Variants in C22orf31 observed in about 807,000 individuals in gnomAD.
The protein encoded by C22orf31 is chromosome 22 open reading frame 31, also known as uncharacterized protein C22orf31.
In C22orf31, 11 loss-of-function variants were observed where a neutral mutation model predicts 15.0. The observed-to-expected ratio is 0.73, with a 90% CI of 0.46 to 1.21. The LOEUF is 1.21. Among genes scored for constraint, C22orf31 ranks in the 50% most tolerant of loss-of-function variants. The pLI is 0.00. For synonymous variants in C22orf31, 132 were observed against 133.3 expected, an observed-to-expected ratio of 0.99 and a Z score of 0.07; for missense variants, 340 against 347.2, an observed-to-expected ratio of 0.98 and a Z score of 0.17.
the C22orf31 span, chr22:29,073,278 G>A: frequency 1.2e-6 from 1 of 827,310 alleles, no homozygotes; most frequent in Non-Finnish European, 1.6e-6. This position sits in a 1 kb window ranked among gnomAD's most constrained non-coding sequence, Gnocchi z 4.4. Context: ...CCCACTCGAG[G>A]GGCGACAAGG....
At chr22:29,071,257 G>A in the C22orf31 span, among the ~76,000 whole-genome samples, 1 of 152,192 alleles carries the variant, frequency 6.6e-6, no homozygotes, top group Non-Finnish European at 1.5e-5. Context: ...TTGAACTCGG[G>A]AATGACACAT....
rs779096368 is a variant in C22orf31, at chr22:29,059,033, CTT to C, written c.580_581del (p.Lys194GlufsTer50). On this transcript the variant is annotated frameshift_variant, in exon 3 of 3. Coordinates refer to ENST00000216071, the MANE Select transcript of C22orf31 (RefSeq NM_015370.2). LOFTEE classifies it low-confidence loss of function (END_TRUNC). ...GCGTGTCCTCCGACAACTGCTGTCT[CTT>C]TTGGGTTTCAGGAAGCAACACTCGG... ...KGRVLLPETQ[K>X]RQQLSEDTLT... 262 of 1,614,222 alleles carry C rather than the reference CTT, an allele frequency of 1.6e-4. 2 individuals are homozygous for C. Among genetic ancestry groups the C allele is most frequent in the South Asian group, 5.4e-4 (49 of 91,080 alleles).
Position 29,058,851 on chromosome 22 carries a change from C to A in C22orf31, c.764G>T (p.Gly255Val), listed in dbSNP as rs746350169. ...QKLWEALCSQGAISEGAQRDR... is the reference protein window; with the variant it reads ...QKLWEALCSQVAISEGAQRDR... ...CCTCTGAGCACCTTCAGAGATGGCA[C>A]CCTGACTGCAAAGAGCCTCCCAGAG... The change falls in exon 3 of 3, where the codon GGT (glycine) becomes GTT (valine). Residue 255 changes from glycine (G) to valine (V), a missense_variant. Transcript: ENST00000216071. 1.2e-6 allele frequency: 2 copies of A among 1,614,088 alleles called. No homozygotes were observed. The highest frequency in any genetic ancestry group is 1.7e-5 in the Admixed American group (1 of 60,002).
intron 2 of C22orf31, chr22:29,060,110 C>T (rs1046968755): frequency 2.2e-5 from 8 of 366,604 alleles, no homozygotes; most frequent in Non-Finnish European, 3.0e-5. Flanking sequence ...TGGCTCACTG[C>T]AGCCTCAACC....
the C22orf31 span, among the ~76,000 whole-genome samples, chr22:29,067,602 C>T: frequency 6.2e-3 from 938 of 152,152 alleles, 10 homozygotes; most frequent in African/African-American, 0.022. Context: ...AGCCACCACG[C>T]CCGGCTAATT....
the C22orf31 span, among the ~76,000 whole-genome samples, chr22:29,072,788 T>G: frequency 0.011 from 1,697 of 152,190 alleles, 27 homozygotes; most frequent in African/African-American, 0.039. Flanking sequence ...CCTCACCTGC[T>G]GATCCTACCC....
upstream of C22orf31, among the ~76,000 whole-genome samples, chr22:29,064,392 T>C (rs914029694): frequency 6.6e-6 from 1 of 152,220 alleles, no homozygotes; most frequent in Admixed American, 6.5e-5. Context: ...AGCTGTGAAA[T>C]GGGCCTAGTC....
chr22:29,066,539 C>CTTTTTTTTTTTTTTTTTT (rs134565), upstream of C22orf31, among the ~76,000 whole-genome samples: 33 of 70,226 alleles, frequency 4.7e-4, 6 homozygotes, highest in East Asian at 8.2e-4. Context: ...CTTTTCTTTT[C>CTTTTTTTTTTTTTTTTTT]TTTTTTTTTT....
chr22:29,068,023 A>G, the C22orf31 span, among the ~76,000 whole-genome samples: 1 of 151,126 alleles, frequency 6.6e-6, no homozygotes, highest in East Asian at 1.9e-4. Context: ...GTAGTGTGCC[A>G]TGATTGTGAA....
At chr22:29,067,604 C>T in the C22orf31 span, among the ~76,000 whole-genome samples, 816 of 152,020 alleles carry the variant, frequency 5.4e-3, 11 homozygotes, top group African/African-American at 0.019. Flanking sequence ...CCACCACGCC[C>T]GGCTAATTTT....
upstream of C22orf31, chr22:29,061,984 T>C: frequency 5.7e-6 from 3 of 528,854 alleles, no homozygotes; most frequent in Non-Finnish European, 1.0e-5. Context: ...GCAGGCAGCT[T>C]TGAGCCATTA....
At chr22:29,061,940 G>A (rs2037396385), upstream of C22orf31, 20 of 617,690 alleles carry the variant, frequency 3.2e-5, no homozygotes, top group South Asian at 4.3e-4. Flanking sequence ...GTCACATATG[G>A]GCAAATTGCT....
At chr22:29,064,406 C>G (rs560649600), upstream of C22orf31, among the ~76,000 whole-genome samples, 17 of 152,348 alleles carry the variant, frequency 1.1e-4, no homozygotes, top group African/African-American at 3.6e-4. Context: ...CCTAGTCATA[C>G]TGCCTACCTA....
chr22:29,061,045 T>C (rs2037385665), intron 1 of C22orf31, among the ~76,000 whole-genome samples: 3 of 152,210 alleles, frequency 2.0e-5, no homozygotes, highest in African/African-American at 2.4e-5. Flanking sequence ...TCCACAAGGT[T>C]ACAGTAATAT....
Position 29,060,701 on chromosome 22 carries a change from T to C in C22orf31, c.146A>G (p.Gln49Arg), listed in dbSNP as rs754063619. 1 of 1,614,188 alleles carries C rather than the reference T, an allele frequency of 6.2e-7. No homozygotes were observed. Among genetic ancestry groups the C allele is most frequent in the South Asian group, 1.1e-5 (1 of 91,078 alleles). The change falls in exon 2 of 3, where the codon CAG becomes CGG. Residue 49 changes from glutamine (Q) to arginine (R), a missense_variant. Physicochemically the swap from Gln to Arg is conservative, Grantham distance 43. Transcript: ENST00000216071. Reference sequence around the variant, plus strand: ...AGCTGGTGCTGGGGCATTAATGTTCTGCTTTGCACATGTTCTGGCCATCCA... The same window carrying C: ...AGCTGGTGCTGGGGCATTAATGTTCCGCTTTGCACATGTTCTGGCCATCCA... ...NIWMARTCAK[Q>R]NINAPAPATT...
chr22:29,060,190 C>T (rs558103424), intron 2 of C22orf31, among the ~76,000 whole-genome samples: 16 of 146,112 alleles, frequency 1.1e-4, no homozygotes, highest in Middle Eastern at 3.5e-3. Flanking sequence ...TGCATCATGC[C>T]TGGCTTTTTT....
chr22:29,064,675 ATTTTTTTTTTTTTTTTTTTTTTTTTTTTT>A (rs563569423), upstream of C22orf31, among the ~76,000 whole-genome samples: 42 of 51,326 alleles, frequency 8.2e-4, no homozygotes, highest in African/African-American at 2.0e-3. Flanking sequence ...TTGCCCAGTG[ATTTTTTTTTTTTTTTTTTTTTTTTTTTTT>A]TTTTTTTTTT....
Position 29,059,082 on chromosome 22 carries a change from C to G in C22orf31, c.533G>C (p.Ser178Thr), listed in dbSNP as rs1555996755. ...TCGGCCCTTCCAGGCTGCTGTCCCACTGTCCTGGGGTAGCGCTTGGGTGGC... is the reference window on the plus strand; with the variant it reads ...TCGGCCCTTCCAGGCTGCTGTCCCAGTGTCCTGGGGTAGCGCTTGGGTGGC... ...VAATQALPQD[S>T]GTAAWKGRVL... Residue 178 changes from serine to threonine, a missense_variant, in exon 3 of 3, where the codon AGT (serine) becomes ACT (threonine). Transcript: ENST00000216071. 1 of 1,614,174 alleles carries G rather than the reference C, an allele frequency of 6.2e-7. No homozygotes were observed. Among genetic ancestry groups the G allele is most frequent in the South Asian group, 1.1e-5 (1 of 91,080 alleles).
At chr22:29,059,900 G>GATAA (rs1300258219) in intron 2 of C22orf31, 2 of 984,800 alleles carry the variant, frequency 2.0e-6, no homozygotes, top group Non-Finnish European at 2.4e-6. Flanking sequence ...TAGTGTAAAT[G>GATAA]ATAAATAGCA....
Sources: allele counts gnomAD v4.1 joint callset (sites outside exome capture counted in the v4.1 genomes callset), GRCh38; gene constraint gnomAD v4.1.1; non-coding constraint Gnocchi (gnomAD v3.1); transcripts MANE v1.5; gene names NCBI Gene and HGNC (gene_info 2026-07-23, HGNC 2026-07-21).